Variants in NEGR1 observed in about 807,000 individuals in gnomAD.
The protein encoded by NEGR1 is IgLON family member 4.
NEGR1 carries 10 observed loss-of-function variants against 40.9 expected under a neutral mutation model. The ratio of observed to expected loss-of-function variants is 0.24; its 90% confidence interval spans 0.15 to 0.42. The LOEUF is 0.42. Among genes scored for constraint, NEGR1 ranks in the 10% least tolerant of loss-of-function variants. The probability of loss-of-function intolerance (pLI) is 1.00; values close to 1 mark genes in which losing one functional copy is unlikely to be tolerated. For synonymous variants in NEGR1, 185 were observed against 166.8 expected, an observed-to-expected ratio of 1.11 and a Z score of -0.84; for missense variants, 352 against 438.9, an observed-to-expected ratio of 0.80 and a Z score of 1.77.
At chr1:72,072,106 T>C (rs1647488558) in intron 1 of NEGR1, among the ~76,000 whole-genome samples, 1 of 152,170 alleles carries the variant, frequency 6.6e-6, no homozygotes, top group South Asian at 2.1e-4. Flanking sequence ...CACATTCCTA[T>C]TTCTATTTTA....
At chr1:71,603,369 C>A (rs1332765914) in intron 5 of NEGR1, among the ~76,000 whole-genome samples, 2 of 152,180 alleles carry the variant, frequency 1.3e-5, no homozygotes, top group African/African-American at 2.4e-5. Flanking sequence ...ACTTCTAGTC[C>A]TTTCTGAATA....
rs551019210 is a variant in NEGR1, at chr1:71,716,685, T to A, written c.536-18546A>T. ...GTTGGAGAAACAACACATATGTCTA[T>A]TCCTATGAGGTAAAGATAATATTTA... On this transcript the variant is annotated intron_variant, in intron 3 of 6. Coordinates refer to ENST00000357731, the MANE Select transcript of NEGR1 (RefSeq NM_173808.3). Among the ~76,000 whole-genome samples, 8 of 152,272 alleles carry A rather than the reference T, an allele frequency of 5.3e-5. No homozygotes were observed. In the East Asian group the frequency reaches 1.4e-3, roughly 26 times the overall value.
intron 5 of NEGR1, among the ~76,000 whole-genome samples, chr1:71,608,199 T>C (rs1650130824): frequency 6.6e-6 from 1 of 152,212 alleles, no homozygotes; most frequent in Non-Finnish European, 1.5e-5. Context: ...CTAAAGATGA[T>C]AAATGTATGC....
At chr1:71,829,522 G>A (rs1005117900) in intron 2 of NEGR1, among the ~76,000 whole-genome samples, 22 of 151,740 alleles carry the variant, frequency 1.4e-4, no homozygotes, top group African/African-American at 5.1e-4. Context: ...CTAAGGTCCC[G>A]AACACCCGTT....
At chr1:71,871,074 G>A (rs898248000) in intron 2 of NEGR1, among the ~76,000 whole-genome samples, 7 of 152,152 alleles carry the variant, frequency 4.6e-5, no homozygotes, top group Non-Finnish European at 8.8e-5. Flanking sequence ...AAGGGGAGCC[G>A]AGCAGAAGTT....
intron 1 of NEGR1, among the ~76,000 whole-genome samples, chr1:71,962,827 G>A: frequency 6.8e-6 from 1 of 147,924 alleles, no homozygotes; most frequent in Non-Finnish European, 1.5e-5. Flanking sequence ...GAAAAAAAAA[G>A]ATGAGTCACA....
chr1:71,446,537 A>T (rs1240057607), intron 6 of NEGR1, among the ~76,000 whole-genome samples: 4 of 152,230 alleles, frequency 2.6e-5, no homozygotes, highest in Non-Finnish European at 4.4e-5. Context: ...TGTTTTACAT[A>T]GATTATATCC....
chr1:71,742,577 C>A (rs80154968), intron 3 of NEGR1, among the ~76,000 whole-genome samples: 2,479 of 152,228 alleles, frequency 0.016, 54 homozygotes, highest in African/African-American at 0.049. Context: ...TTTCCCATTT[C>A]TCACTTTTGG....
intron 1 of NEGR1, among the ~76,000 whole-genome samples, chr1:72,084,429 G>A (rs1205352784): frequency 6.6e-6 from 1 of 152,094 alleles, no homozygotes; most frequent in African/African-American, 2.4e-5. Context: ...AATTGCAAAC[G>A]TTTCTCTAGA....
At chr1:71,772,886 C>A (rs535678821) in intron 3 of NEGR1, among the ~76,000 whole-genome samples, 2 of 151,514 alleles carry the variant, frequency 1.3e-5, no homozygotes, top group African/African-American at 4.8e-5. Flanking sequence ...ACAGAATATT[C>A]TCTGTTTTAT....
At chr1:71,467,698 T>C (rs1338439485) in intron 6 of NEGR1, among the ~76,000 whole-genome samples, 1 of 123,906 alleles carries the variant, frequency 8.1e-6, no homozygotes, top group Non-Finnish European at 1.7e-5. Context: ...TGACCTTTTA[T>C]AAAATATTCT....
At chr1:72,032,690 T>A (rs962626612) in intron 1 of NEGR1, among the ~76,000 whole-genome samples, 3 of 152,274 alleles carry the variant, frequency 2.0e-5, no homozygotes, top group East Asian at 1.9e-4. Flanking sequence ...TTCTCCTTTT[T>A]AAAAAATCAT....
intron 3 of NEGR1, among the ~76,000 whole-genome samples, chr1:71,717,595 G>A (rs988507329): frequency 6.6e-6 from 1 of 152,126 alleles, no homozygotes; most frequent in Non-Finnish European, 1.5e-5. Flanking sequence ...ATATCTAATA[G>A]CATTCTGCTT....
Position 71,808,023 on chromosome 1 carries a change from C to G in NEGR1, c.410-31726G>C, listed in dbSNP as rs1458529380. 2.0e-5 allele frequency among the ~76,000 whole-genome samples: 3 copies of G among 151,980 alleles called. No individual in the cohort carries two copies. In the East Asian group the frequency reaches 5.8e-4, roughly 29 times the overall value. On this transcript the variant is annotated intron_variant, in intron 2 of 6. Transcript: ENST00000357731. ...ATTTTAAAATATCATTTATTTATGT[C>G]AAACAATAAATAACTGAAATGAGAG...
intron 6 of NEGR1, among the ~76,000 whole-genome samples, chr1:71,479,650 C>T (rs1246964201): frequency 2.6e-5 from 4 of 151,886 alleles, no homozygotes; most frequent in South Asian, 2.1e-4. Flanking sequence ...AAACTGTTTT[C>T]GCACCAATCC....
At chr1:71,795,748 AGTG>A (rs1657300493) in intron 2 of NEGR1, among the ~76,000 whole-genome samples, 2 of 152,184 alleles carry the variant, frequency 1.3e-5, no homozygotes, top group African/African-American at 4.8e-5. Context: ...CAAAATGCTG[AGTG>A]CAAAAAGCCA....
intron 1 of NEGR1, among the ~76,000 whole-genome samples, chr1:72,265,617 T>A (rs1026342327): frequency 6.6e-6 from 1 of 150,790 alleles, no homozygotes; most frequent in African/African-American, 2.4e-5. Flanking sequence ...AAACTAAAAG[T>A]TTTTACCTTT....
chr1:71,461,436 A>C (rs1211331976), intron 6 of NEGR1: 1 of 152,202 alleles, frequency 6.6e-6, no homozygotes, highest in Non-Finnish European at 1.5e-5. Context: ...TTCATTGAAG[A>C]AGTTTGAACT....
intron 3 of NEGR1, among the ~76,000 whole-genome samples, chr1:71,762,055 C>T (rs1264760037): frequency 6.6e-6 from 1 of 151,874 alleles, no homozygotes; most frequent in African/African-American, 2.4e-5. Context: ...ATGTAAAGGG[C>T]ACTAAGTTTT....
Sources: allele counts gnomAD v4.1 joint callset (sites outside exome capture counted in the v4.1 genomes callset), GRCh38; gene constraint gnomAD v4.1.1; transcripts MANE v1.5; gene names NCBI Gene and HGNC (gene_info 2026-07-23, HGNC 2026-07-21).